Variants in SMURF1 observed in about 807,000 individuals in gnomAD.
SMURF1 encodes the protein E3 ubiquitin-protein ligase SMURF1.
Under a neutral mutation model 98.0 loss-of-function variants are expected in SMURF1, and 44 were observed. The ratio of observed to expected loss-of-function variants is 0.45; its 90% CI spans 0.35 to 0.58. SMURF1 has a LOEUF of 0.58. Ranked by LOEUF, SMURF1 falls within the 20% of genes least tolerant of loss-of-function variation. The pLI is 0.00. For missense variants in SMURF1, 687 were observed against 938.4 expected (o/e 0.73, Z 3.50); for synonymous variants, 396 against 374.9 (o/e 1.06, Z -0.65).
rs1213308286 is a variant in SMURF1 at position 99,130,820 on chromosome 7, AC to A, written c.55+12905del. On this transcript the variant is annotated intron_variant, in intron 1 of 17. Coordinates refer to ENST00000361368, the MANE Select transcript of SMURF1 (RefSeq NM_181349.3). ...CAAGTCTGTATTGTGGGTGGGACTAACCCCCTGATTAGATTCAAAGATGGAA... is the reference window on the plus strand; with the variant it reads ...CAAGTCTGTATTGTGGGTGGGACTAACCCCTGATTAGATTCAAAGATGGAA... Among the ~76,000 whole-genome samples, 4 of 152,264 alleles carry A rather than the reference AC, an allele frequency of 2.6e-5. No individual in the cohort carries two copies. In the East Asian group the frequency reaches 7.7e-4, roughly 29 times the overall value.
chr7:99,071,286 C>T (rs1159693899), intron 1 of SMURF1, among the ~76,000 whole-genome samples: 1 of 152,130 alleles, frequency 6.6e-6, no homozygotes, highest in Non-Finnish European at 1.5e-5. Flanking sequence ...TCTCGAACTC[C>T]TGACCTCAGG....
At chr7:99,049,509 A>C (rs992016509) in intron 9 of SMURF1, 54 bp downstream of exon 9, 11 of 1,561,132 alleles carry the variant, frequency 7.0e-6, no homozygotes, top group Non-Finnish European at 8.8e-6. Context: ...CAGTCCAAGA[A>C]AGCATTCGAT....
chr7:99,127,839 C>T (rs1268067224), intron 1 of SMURF1, among the ~76,000 whole-genome samples: 1 of 152,056 alleles, frequency 6.6e-6, no homozygotes, highest in African/African-American at 2.4e-5. Context: ...ATCCTTTTGT[C>T]AAGTCTTGCT....
At position 99,052,404 on chromosome 7, in the gene SMURF1, G is replaced by A. The variant is rs755830080; in HGVS notation, c.522C>T (p.Cys174=). Residue 174 remains cysteine (C), a synonymous_variant, in exon 7 of 18, where the codon TGC becomes TGT. Coordinates refer to ENST00000361368, the MANE Select transcript of SMURF1 (RefSeq NM_181349.3). ...TGTAAGGGGCTGGTTCCTCCATGAA[G>A]CAGCTGAGCGGCCTCCCAGGCCCGG... ...EDSGPGRPLS[C]FMEEPAPYTD... is the part of the protein sequence containing the mutation. The A allele has an allele frequency of 2.5e-6, 4 of 1,600,334 alleles. No homozygotes were observed. The highest frequency in any genetic ancestry group is 8.5e-7 in the Non-Finnish European group (1 of 1,172,242).
rs1223226590 is a variant in SMURF1, at chr7:99,057,200, C to T, written c.403+5G>A. 1 of 1,613,810 alleles carries T rather than the reference C, an allele frequency of 6.2e-7. No homozygotes were observed. The highest frequency in any genetic ancestry group is 1.1e-5 in the South Asian group (1 of 91,056). ...ATCTCTTTACACAGACAAGAAAGTT[C>T]TTACCCACTATCTGGCCACGAACTG... On this transcript the variant is annotated splice_donor_5th_base_variant and intron_variant, in intron 5 of 17. Coordinates refer to ENST00000361368, the MANE Select transcript of SMURF1 (RefSeq NM_181349.3).
Position 99,030,865 on chromosome 7 carries a change from T to A in SMURF1, c.2097-182A>T, listed in dbSNP as rs1181598859. On this transcript the variant is annotated intron_variant, in intron 17 of 17. Coordinates refer to ENST00000361368, the MANE Select transcript of SMURF1 (RefSeq NM_181349.3). ...TGCTTCTAATACAAAGATTTGTAATTTGTTTTTGCTTTTTGGTAGAGACAG... is the reference window on the plus strand; with the variant it reads ...TGCTTCTAATACAAAGATTTGTAATATGTTTTTGCTTTTTGGTAGAGACAG... The A allele has an allele frequency of 1.5e-5, 8 of 527,316 alleles. No individual in the cohort carries two copies. The East Asian group carries it at 2.2e-4, about 15-fold the overall frequency. The allele number at this position is 527,316 out of a possible 1,614,324, so 32.7% of individuals were successfully genotyped here. A position where few individuals can be genotyped will look rare whatever the true frequency, so the allele number is the denominator to read the frequency against.
At chr7:99,071,778 C>A (rs1257349636) in intron 1 of SMURF1, among the ~76,000 whole-genome samples, 1 of 152,088 alleles carries the variant, frequency 6.6e-6, no homozygotes, top group Non-Finnish European at 1.5e-5. Flanking sequence ...TGTTTTACAG[C>A]GGAACAAGGG....
intron 1 of SMURF1, among the ~76,000 whole-genome samples, chr7:99,090,020 G>A (rs1420092939): frequency 5.9e-5 from 9 of 152,128 alleles, no homozygotes; most frequent in Non-Finnish European, 1.2e-4. Flanking sequence ...GGACTTCCTG[G>A]AAAAAAACTG....
intron 8 of SMURF1, 198 bp from the exon 9 acceptor site, chr7:99,049,907 G>A (rs1270979051): frequency 1.2e-5 from 6 of 484,244 alleles, no homozygotes; most frequent in East Asian, 3.3e-5. Context: ...AGCAACATCC[G>A]AGAGATTTAA....
chr7:99,092,560 A>G (rs1258008727), intron 1 of SMURF1, among the ~76,000 whole-genome samples: 1 of 152,182 alleles, frequency 6.6e-6, no homozygotes, highest in African/African-American at 2.4e-5. Flanking sequence ...CGTACTGTCA[A>G]CAAATGGTCT....
chr7:99,032,520 T>C lies in SMURF1; in HGVS notation c.2096+517A>G, dbSNP rs949550103. On this transcript the variant is annotated intron_variant, in intron 17 of 17. Transcript: ENST00000361368. ...CCCATCTCTACTAAAAATACAAAAA[T>C]TAGCCAAGTGTGGTGGCGTGCGCCT... Among the ~76,000 whole-genome samples, 66 of 152,218 alleles carry C rather than the reference T, an allele frequency of 4.3e-4. 2 individuals are homozygous for C. In the Middle Eastern group the frequency reaches 0.01, roughly 24 times the overall value.
chr7:99,132,925 T>G (rs1456437778), intron 1 of SMURF1, among the ~76,000 whole-genome samples: 1 of 152,068 alleles, frequency 6.6e-6, no homozygotes, highest in Non-Finnish European at 1.5e-5. Context: ...TGATTTATGC[T>G]CTTAAAAGAT....
intron 1 of SMURF1, among the ~76,000 whole-genome samples, chr7:99,114,934 T>A (rs1023295009): frequency 1.3e-5 from 2 of 151,886 alleles, no homozygotes; most frequent in Non-Finnish European, 2.9e-5. Context: ...GAAAATACTT[T>A]GAGAAGAATG....
intron 16 of SMURF1, among the ~76,000 whole-genome samples, chr7:99,033,888 G>A (rs1795016889): frequency 6.6e-6 from 1 of 152,232 alleles, no homozygotes; most frequent in Non-Finnish European, 1.5e-5. Flanking sequence ...GCTGACAGGG[G>A]TGCCAGGTGC....
At chr7:99,033,740 T>C (rs1229796763) in intron 16 of SMURF1, among the ~76,000 whole-genome samples, 1 of 152,202 alleles carries the variant, frequency 6.6e-6, no homozygotes, top group African/African-American at 2.4e-5. Context: ...ACCCACCCTC[T>C]GGAATAGACG....
At chr7:99,098,829 C>A (rs1797008164) in intron 1 of SMURF1, among the ~76,000 whole-genome samples, 1 of 152,100 alleles carries the variant, frequency 6.6e-6, no homozygotes, top group African/African-American at 2.4e-5. Context: ...TTATAAGATC[C>A]TTTAAGGAGG....
chr7:99,030,265 C>T lies in SMURF1; in HGVS notation c.*319G>A. On this transcript the variant is annotated 3_prime_UTR_variant, in exon 18 of 18. Transcript: ENST00000361368. Reference sequence around the variant, plus strand: ...TGATGCTCCCGTAAAGAGCTCAGGGCTGTGAGCCTTATCACCACATGGGTT... The same window carrying T: ...TGATGCTCCCGTAAAGAGCTCAGGGTTGTGAGCCTTATCACCACATGGGTT... The T allele has an allele frequency of 3.2e-6, 1 of 313,224 alleles. No individual in the cohort carries two copies. Among genetic ancestry groups the T allele is most frequent in the Non-Finnish European group, 6.1e-6 (1 of 165,024 alleles). The allele number at this position is 313,224 out of a possible 1,614,324, so 19.4% of individuals were successfully genotyped here.
chr7:99,034,344 G>C (rs1293156931), intron 16 of SMURF1, among the ~76,000 whole-genome samples: 1 of 152,196 alleles, frequency 6.6e-6, no homozygotes, highest in African/African-American at 2.4e-5. Context: ...TCCAATTATT[G>C]GAGGACTAAT....
At position 99,045,653 on chromosome 7, in the gene SMURF1, A is replaced by C. The variant is rs1203341789; in HGVS notation, c.1256+45T>G. ...AGGGCAAATGACTTCTCTTGAAAAG[A>C]CTGAGATCCACACAGCAGAGAAGGT... On this transcript the variant is annotated intron_variant, in intron 11 of 17. Transcript: ENST00000361368. 3.3e-6 allele frequency: 5 copies of C among 1,502,158 alleles called. No homozygotes were observed. In the East Asian group the frequency reaches 1.1e-4, roughly 34 times the overall value. The allele number at this position is 1,502,158 out of a possible 1,614,324, so 93.1% of individuals were successfully genotyped here.
Sources: allele counts gnomAD v4.1 joint callset (sites outside exome capture counted in the v4.1 genomes callset), GRCh38; gene constraint gnomAD v4.1.1; transcripts MANE v1.5; gene names NCBI Gene and HGNC (gene_info 2026-07-23, HGNC 2026-07-21).